Variants in SLF2 observed in about 807,000 individuals in gnomAD.
The protein encoded by SLF2 is SMC5-SMC6 complex localization factor protein 2.
In SLF2, 68 loss-of-function variants were observed where a neutral mutation model predicts 124.3. The observed-to-expected ratio is 0.55, with a 90% CI of 0.45 to 0.67. SLF2 has a LOEUF of 0.67. SLF2 is among the 30% of genes least tolerant of loss of function. The pLI, the probability that SLF2 is intolerant of heterozygous loss-of-function variation, is 0.00. For synonymous variants in SLF2, 480 were observed against 478.8 expected, an observed-to-expected ratio of 1.00 and a Z score of -0.03; for missense variants, 1,246 against 1,373.7, an observed-to-expected ratio of 0.91 and a Z score of 1.47.
At chr10:100,927,953 G>A (rs1849644036) in intron 6 of SLF2, among the ~76,000 whole-genome samples, 2 of 150,498 alleles carry the variant, frequency 1.3e-5, no homozygotes, top group Non-Finnish European at 1.5e-5. Flanking sequence ...TGGGTGGGGC[G>A]GTTCACACAG....
At chr10:100,949,485 ACTTTCAAATAATTT>A (rs1850169937) in intron 15 of SLF2, among the ~76,000 whole-genome samples, 1 of 152,128 alleles carries the variant, frequency 6.6e-6, no homozygotes, top group Non-Finnish European at 1.5e-5. Context: ...AACTTTGTTG[ACTTTCAAATAATTT>A]AACAGAGAAA....
At chr10:100,941,835 C>G (rs532749004) in intron 11 of SLF2, among the ~76,000 whole-genome samples, 1 of 151,982 alleles carries the variant, frequency 6.6e-6, no homozygotes, top group Non-Finnish European at 1.5e-5. Flanking sequence ...AAGGTCAGCA[C>G]GGAGAGGTTA....
chr10:100,955,064 C>T (rs996180146), intron 17 of SLF2, among the ~76,000 whole-genome samples: 1 of 151,692 alleles, frequency 6.6e-6, no homozygotes, highest in Non-Finnish European at 1.5e-5. Flanking sequence ...CCCAGCCTCC[C>T]GAGTAGCTGG....
intron 6 of SLF2, among the ~76,000 whole-genome samples, chr10:100,928,581 T>A (rs994370398): frequency 2.0e-5 from 3 of 152,188 alleles, no homozygotes; most frequent in Non-Finnish European, 4.4e-5. Context: ...CCACTGTTTG[T>A]GGCTGGGGTA....
Position 100,945,575 on chromosome 10 carries a change from G to C in SLF2, c.2934+69G>C, listed in dbSNP as rs965084187. 9.5e-6 allele frequency: 11 copies of C among 1,156,720 alleles called. No homozygotes were observed. The African/African-American group carries it at 1.8e-4, about 19-fold the overall frequency. 71.7% of individuals were successfully genotyped at this position (1,156,720 alleles called of 1,614,324 possible). A position where few individuals can be genotyped will look rare whatever the true frequency, so the allele number is the denominator to read the frequency against. The stretch of plus-strand genomic sequence containing the variant: ...TACAATTTGACTCATAGTGCATATG[G>C]AATTAATACTGTTTCTAAACTCAAG... On this transcript the variant is annotated intron_variant, in intron 13 of 19. Transcript: ENST00000238961.
chr10:100,921,980 ATTAG>A (rs886372567), intron 4 of SLF2, among the ~76,000 whole-genome samples: 42 of 152,360 alleles, frequency 2.8e-4, no homozygotes, highest in Admixed American at 2.4e-3. Flanking sequence ...GCATTTGTTA[ATTAG>A]TTAATTTAAT....
chr10:100,936,502 T>G (rs1220119786), intron 9 of SLF2, among the ~76,000 whole-genome samples: 14 of 151,670 alleles, frequency 9.2e-5, no homozygotes, highest in Non-Finnish European at 1.5e-5. Context: ...CCTGGCTAAT[T>G]CTTTTTGTAT....
At chr10:100,944,171 C>A in intron 12 of SLF2, 43 bp downstream of exon 12, 1 of 1,305,314 alleles carries the variant, frequency 7.7e-7, no homozygotes, top group Non-Finnish European at 1.1e-6. Flanking sequence ...GAGCTAGAAC[C>A]ATTTAGTCTG....
At chr10:100,947,355 T>C (rs1850124441) in intron 14 of SLF2, among the ~76,000 whole-genome samples, 1 of 152,014 alleles carries the variant, frequency 6.6e-6, no homozygotes, top group African/African-American at 2.4e-5. Context: ...GACAAGAGTC[T>C]CACTCTGTCA....
At position 100,913,084 on chromosome 10, in the gene SLF2, C is replaced by T. The variant is rs756930720; in HGVS notation, c.-27C>T. 21 of 1,607,202 alleles carry T rather than the reference C, an allele frequency of 1.3e-5. No individual in the cohort carries two copies. Among genetic ancestry groups the T allele is most frequent in the Admixed American group, 3.4e-5 (2 of 59,328 alleles). On this transcript the variant is annotated 5_prime_UTR_variant, in exon 1 of 20. Coordinates refer to ENST00000238961, the MANE Select transcript of SLF2 (RefSeq NM_018121.4). ...GCACCCAACTTCTCCAGCCACGGCT[C>T]ATGCCGCCGTCGCCAGCGGCGCCGA...
chr10:100,956,701 G>T (rs1159086017), intron 18 of SLF2, among the ~76,000 whole-genome samples, 164 bp downstream of exon 18: 1 of 152,128 alleles, frequency 6.6e-6, no homozygotes, highest in Non-Finnish European at 1.5e-5. Context: ...GAGACAGGAG[G>T]ATTGCTTGAA....
chr10:100,914,718 C>T (rs181633432), intron 1 of SLF2, among the ~76,000 whole-genome samples: 1 of 152,262 alleles, frequency 6.6e-6, no homozygotes, highest in Admixed American at 6.5e-5. Context: ...TTCCATAGCC[C>T]GTCACTCATA....
chr10:100,923,302 A>T (rs916170152), intron 4 of SLF2, among the ~76,000 whole-genome samples: 4 of 152,162 alleles, frequency 2.6e-5, no homozygotes, highest in Admixed American at 2.6e-4. Flanking sequence ...TGGCAACTCT[A>T]GGGGAGAATA....
chr10:100,961,740 T>G, intron 19 of SLF2, 137 bp from the exon 20 acceptor site: 1 of 653,556 alleles, frequency 1.5e-6, no homozygotes, highest in Non-Finnish European at 2.5e-6. Flanking sequence ...ACCATAAATT[T>G]TCAGAGAAGT....
intron 19 of SLF2, among the ~76,000 whole-genome samples, chr10:100,960,998 CTTTTTTTTT>C (rs59983480): frequency 6.5e-5 from 4 of 61,408 alleles, no homozygotes; most frequent in South Asian, 7.6e-4. Flanking sequence ...TTCTGTACTT[CTTTTTTTTT>C]TTTTTTTTTT....
intron 3 of SLF2, 83 bp downstream of exon 3, chr10:100,917,383 T>TA (rs1564769349): frequency 1.4e-6 from 2 of 1,405,282 alleles, no homozygotes; most frequent in Non-Finnish European, 1.9e-6. Flanking sequence ...TAAGAGTTGT[T>TA]ACATCACATT....
At chr10:100,946,946 TC>T (rs2133814778) in intron 13 of SLF2, 92 bp from the exon 14 acceptor site, 1 of 967,892 alleles carries the variant, frequency 1.0e-6, no homozygotes, top group South Asian at 1.3e-5. Context: ...TACTAGTGCT[TC>T]CATTATGTCA....
rs756158828 is a variant in SLF2, at chr10:100,924,950, G to A, written c.1949G>A (p.Arg650Lys). The change falls in exon 5 of 20, where the codon AGA (arginine) becomes AAA (lysine). Residue 650 changes from arginine to lysine, a missense_variant. Transcript: ENST00000238961. ...GKPPALSKGLRSQSSDYTGHV... is the reference protein window; with the variant it reads ...GKPPALSKGLKSQSSDYTGHV... The stretch of plus-strand genomic sequence containing the variant: ...CCTCCTGCTCTTTCCAAGGGGCTTA[G>A]ATCTCAGTCATCAGACTATACAGTA... 3.1e-6 allele frequency: 5 copies of A among 1,613,230 alleles called. No homozygotes were observed. Among genetic ancestry groups the A allele is most frequent in the Non-Finnish European group, 8.5e-7 (1 of 1,179,890 alleles).
At chr10:100,913,861 A>T (rs1020675615) in intron 1 of SLF2, 14 of 985,334 alleles carry the variant, frequency 1.4e-5, no homozygotes, top group Non-Finnish European at 1.7e-5. Flanking sequence ...ACATCCTCTG[A>T]CAATAAAACA....
Sources: allele counts gnomAD v4.1 joint callset (sites outside exome capture counted in the v4.1 genomes callset), GRCh38; gene constraint gnomAD v4.1.1; transcripts MANE v1.5; gene names NCBI Gene and HGNC (gene_info 2026-07-23, HGNC 2026-07-21).